The following CTSB variants were observed in gnomAD, a reference collection of about 807,000 sequenced individuals.
The protein encoded by CTSB is cathepsin B.
In CTSB, 57 loss-of-function variants were observed where a neutral mutation model predicts 44.3. The ratio of observed to expected loss-of-function variants is 1.29; its 90% CI spans 1.04 to 1.60. The LOEUF is 1.60. CTSB is among the 40% of genes most tolerant of loss of function. CTSB has a pLI of 0.00. For missense variants in CTSB, 768 were observed against 443.0 expected (o/e 1.73, Z -6.59); for synonymous variants, 320 against 168.0 (o/e 1.91, Z -7.00).
chr8:11,862,038 T>C (rs750339987), intron 1 of CTSB, among the ~76,000 whole-genome samples: 35 of 152,146 alleles, frequency 2.3e-4, no homozygotes, highest in Non-Finnish European at 4.9e-4. Flanking sequence ...AAACCCCGTT[T>C]CTACTAAAAA....
At chr8:11,863,449 C>G (rs995141656) in intron 1 of CTSB, among the ~76,000 whole-genome samples, 7 of 151,370 alleles carry the variant, frequency 4.6e-5, no homozygotes, top group African/African-American at 7.3e-5. Flanking sequence ...CACAGTGAGA[C>G]TCCGTTTCAA....
At chr8:11,857,410 T>A (rs1432824031) in intron 1 of CTSB, among the ~76,000 whole-genome samples, 2 of 152,082 alleles carry the variant, frequency 1.3e-5, no homozygotes, top group Non-Finnish European at 1.5e-5. Context: ...CCACACAGCC[T>A]CCACACTGTG....
chr8:11,852,436 G>C (rs1293289), intron 3 of CTSB, among the ~76,000 whole-genome samples, 174 bp downstream of exon 3: 95 of 152,096 alleles, frequency 6.2e-4, no homozygotes, highest in Non-Finnish European at 9.6e-4. Flanking sequence ...AAAATAAAAA[G>C]AGAAAGTAAT....
In CTSB at chr8:11,842,936, C is replaced by CTTTTTTTT. The variant is rs56927740; in HGVS notation, c.*2181_*2188dup. The stretch of plus-strand genomic sequence containing the variant: ...ACAGGCTTGAGCCACTGCGCCCGGC[C>CTTTTTTTT]TTTTTTTTTTTTTTTTTTTTTTTAA... On this transcript the variant is annotated 3_prime_UTR_variant, in exon 10 of 10. Transcript: ENST00000353047. 2 of 90,822 alleles carry CTTTTTTTT rather than the reference C, an allele frequency of 2.2e-5. No homozygotes were observed. Among genetic ancestry groups the CTTTTTTTT allele is most frequent in the African/African-American group, 9.0e-5 (2 of 22,344 alleles). 5.6% of individuals were successfully genotyped at this position (90,822 alleles called of 1,614,324 possible).
intron 1 of CTSB, 57 bp from the exon 2 acceptor site, chr8:11,853,536 A>C: frequency 6.6e-7 from 1 of 1,525,808 alleles, no homozygotes. Context: ...GAGGGCTCAC[A>C]CACACAGGGG....
chr8:11,861,266 C>G (rs1816372530), intron 1 of CTSB: 1 of 152,442 alleles, frequency 6.6e-6, no homozygotes, highest in African/African-American at 2.4e-5. Flanking sequence ...ACCCACCCAG[C>G]ACACAGGTGT....
chr8:11,859,009 G>A (rs1056188981), intron 1 of CTSB, among the ~76,000 whole-genome samples: 3 of 152,142 alleles, frequency 2.0e-5, no homozygotes, highest in Admixed American at 6.6e-5. Context: ...CCCTTTCCAG[G>A]ATGCGGGCTG....
rs375071573 is a variant in CTSB, at chr8:11,849,426, G to A, written c.328-262C>T. 26 of 318,890 alleles carry A rather than the reference G, an allele frequency of 8.2e-5. 1 individual carries two copies. Among genetic ancestry groups the A allele is most frequent in the East Asian group, 6.2e-4 (10 of 16,180 alleles). 19.8% of individuals were successfully genotyped at this position (318,890 alleles called of 1,614,324 possible). On this transcript the variant is annotated intron_variant, in intron 4 of 9. Coordinates refer to ENST00000353047, the MANE Select transcript of CTSB (RefSeq NM_001908.5). ...CTCCCAAAGTGCTGGGATTAGAGGC[G>A]TGATGAGCCACTTGCCCCACTCTCC...
At chr8:11,853,259 C>G in intron 2 of CTSB, 70 bp downstream of exon 2, 1 of 1,578,594 alleles carries the variant, frequency 6.3e-7, no homozygotes, top group Non-Finnish European at 8.6e-7. Context: ...GCTGGCTTCC[C>G]ATTCCTGGAG....
intron 8 of CTSB, 109 bp from the exon 9 acceptor site, chr8:11,845,898 A>AGG: frequency 7.4e-7 from 1 of 1,347,540 alleles, no homozygotes; most frequent in South Asian, 1.6e-5. Context: ...CAGCTTCCAG[A>AGG]GGGAACCTGC....
rs1563371852 is a variant in CTSB at position 11,844,615 on chromosome 8, T to TC, written c.*509dup. On this transcript the variant is annotated 3_prime_UTR_variant, in exon 10 of 10. Transcript: ENST00000353047. ...TTAAAGAATCATGCTGAGCACAAGATCAGAGAGGTTGTGACATTGCAAACT... is the reference window on the plus strand; with the variant it reads ...TTAAAGAATCATGCTGAGCACAAGATCCAGAGAGGTTGTGACATTGCAAACT... 6.5e-6 allele frequency: 1 copy of TC among 154,230 alleles called. No individual in the cohort carries two copies. The highest frequency in any genetic ancestry group is 2.4e-5 in the African/African-American group (1 of 41,452). 9.6% of individuals were successfully genotyped at this position (154,230 alleles called of 1,614,324 possible).
chr8:11,859,749 C>G (rs1408269003), intron 1 of CTSB, among the ~76,000 whole-genome samples: 2 of 110,818 alleles, frequency 1.8e-5, no homozygotes, highest in African/African-American at 7.2e-5. Context: ...GCCTGGGCAA[C>G]AGAGCGAGAC....
At chr8:11,856,005 G>A (rs1317165189) in intron 1 of CTSB, among the ~76,000 whole-genome samples, 1 of 152,080 alleles carries the variant, frequency 6.6e-6, no homozygotes, top group Non-Finnish European at 1.5e-5. Flanking sequence ...TCCTGCCTGG[G>A]TGACAGTGAG....
intron 1 of CTSB, among the ~76,000 whole-genome samples, chr8:11,858,105 G>C (rs1156741491): frequency 6.6e-6 from 1 of 152,178 alleles, no homozygotes; most frequent in Non-Finnish European, 1.5e-5. Context: ...TCAGGTGGCA[G>C]TCAAGAATGA....
At chr8:11,847,876 C>A (rs1586100195) in intron 6 of CTSB, 54 bp from the exon 7 acceptor site, 1 of 1,543,694 alleles carries the variant, frequency 6.5e-7, no homozygotes, top group Non-Finnish European at 8.7e-7. Context: ...CGGAGAAGAC[C>A]TGGGGCAAGG....
In CTSB at chr8:11,844,616, C is replaced by A. The variant is rs1314253393; in HGVS notation, c.*509G>T. ...TAAAGAATCATGCTGAGCACAAGATCAGAGAGGTTGTGACATTGCAAACTC... is the reference window on the plus strand; with the variant it reads ...TAAAGAATCATGCTGAGCACAAGATAAGAGAGGTTGTGACATTGCAAACTC... On this transcript the variant is annotated 3_prime_UTR_variant, in exon 10 of 10. Coordinates refer to ENST00000353047, the MANE Select transcript of CTSB (RefSeq NM_001908.5). 1 of 154,318 alleles carries A rather than the reference C, an allele frequency of 6.5e-6. No individual in the cohort carries two copies. The highest frequency in any genetic ancestry group is 6.4e-5 in the Admixed American group (1 of 15,706). 9.6% of individuals were successfully genotyped at this position (154,318 alleles called of 1,614,324 possible).
intron 1 of CTSB, among the ~76,000 whole-genome samples, chr8:11,854,444 TAGG>T (rs1402877760): frequency 6.6e-6 from 1 of 151,948 alleles, no homozygotes; most frequent in African/African-American, 2.4e-5. Flanking sequence ...ACAATTCATC[TAGG>T]AGAATAAATA....
Position 11,850,947 on chromosome 8 carries a change from T to A in CTSB, c.246A>T (p.Ala82=), listed in dbSNP as rs1375502107. The change falls in exon 4 of 10, where the codon GCA becomes GCT. Residue 82 remains alanine (A), a synonymous_variant. Coordinates refer to ENST00000353047, the MANE Select transcript of CTSB (RefSeq NM_001908.5). The stretch of plus-strand genomic sequence containing the variant: ...GCCATTGTTCCCGTGCATCGAAGCT[T>A]GCAGGCAGCTTCAGGTCCTCGGTAA... ...VMFTEDLKLP[A]SFDAREQWPQ... The A allele has an allele frequency of 1.2e-6, 2 of 1,613,232 alleles. No homozygotes were observed. The highest frequency in any genetic ancestry group is 1.3e-5 in the African/African-American group (1 of 74,886).
chr8:11,864,680 G>T (rs1412252706), intron 1 of CTSB, among the ~76,000 whole-genome samples: 1 of 152,112 alleles, frequency 6.6e-6, no homozygotes, highest in Admixed American at 6.6e-5. Context: ...CACATGGCTG[G>T]GCACAGTGAC....
Sources: allele counts gnomAD v4.1 joint callset (sites outside exome capture counted in the v4.1 genomes callset), GRCh38; gene constraint gnomAD v4.1.1; transcripts MANE v1.5; gene names NCBI Gene and HGNC (gene_info 2026-07-23, HGNC 2026-07-21).